Variants in XPR1 observed in about 807,000 individuals in gnomAD.
The protein encoded by XPR1 is xenotropic and polytropic retrovirus receptor 1.
Under a neutral mutation model 87.5 loss-of-function variants are expected in XPR1, and 28 were observed. The ratio of observed to expected loss-of-function variants is 0.32; its 90% CI spans 0.24 to 0.44. The LOEUF is 0.44. Among genes scored for constraint, XPR1 ranks in the 20% least tolerant of loss-of-function variants. The probability of loss-of-function intolerance (pLI) is 1.00; values close to 1 mark genes in which losing one functional copy is unlikely to be tolerated. For synonymous variants in XPR1, 300 were observed against 306.1 expected, an observed-to-expected ratio of 0.98 and a Z score of 0.21; for missense variants, 559 against 862.3, an observed-to-expected ratio of 0.65 and a Z score of 4.41.
At chr1:180,694,396 C>T (rs1657094051) in intron 2 of XPR1, among the ~76,000 whole-genome samples, 1 of 152,060 alleles carries the variant, frequency 6.6e-6, no homozygotes, top group Non-Finnish European at 1.5e-5. Flanking sequence ...CAAATGGTGT[C>T]AAAGAAATAT....
chr1:180,829,842 TGTCA>T (rs1006204391), intron 9 of XPR1, among the ~76,000 whole-genome samples: 2 of 152,060 alleles, frequency 1.3e-5, no homozygotes. Context: ...TAAATTTTCA[TGTCA>T]GTCCTATCCT....
intron 2 of XPR1, among the ~76,000 whole-genome samples, chr1:180,777,323 C>T (rs1648761454): frequency 6.6e-6 from 1 of 152,188 alleles, no homozygotes; most frequent in Non-Finnish European, 1.5e-5. Flanking sequence ...TTTGATCATA[C>T]TATTCTCTCT....
chr1:180,774,384 CTTT>C (rs71121051), intron 2 of XPR1, among the ~76,000 whole-genome samples: 14 of 68,890 alleles, frequency 2.0e-4, no homozygotes, highest in African/African-American at 4.7e-4. Context: ...TCTTTCCTAT[CTTT>C]TTTTTTTTTT....
chr1:180,709,241 A>C (rs1462025912), intron 2 of XPR1, among the ~76,000 whole-genome samples: 3 of 152,208 alleles, frequency 2.0e-5, no homozygotes, highest in African/African-American at 7.2e-5. Flanking sequence ...TTTAAAGAAA[A>C]GCAGCTTTTA....
At chr1:180,753,274 G>T (rs959022662) in intron 2 of XPR1, among the ~76,000 whole-genome samples, 1 of 152,148 alleles carries the variant, frequency 6.6e-6, no homozygotes, top group African/African-American at 2.4e-5. Context: ...TCTTTAAAGA[G>T]GCACTGTGGG....
chr1:180,734,193 G>A (rs1041716531), intron 2 of XPR1, among the ~76,000 whole-genome samples: 16 of 152,156 alleles, frequency 1.1e-4, no homozygotes, highest in South Asian at 4.1e-4. Context: ...CCAAAACACC[G>A]GGGGTTCAGT....
intron 11 of XPR1, among the ~76,000 whole-genome samples, chr1:180,841,547 G>A (rs1651516854): frequency 6.6e-6 from 1 of 152,136 alleles, no homozygotes; most frequent in African/African-American, 2.4e-5. Flanking sequence ...TTTCTTTGCT[G>A]ACTAGAGCTG....
chr1:180,846,450 T>TTC (rs1014195995), intron 11 of XPR1, among the ~76,000 whole-genome samples: 4 of 55,566 alleles, frequency 7.2e-5, no homozygotes, highest in African/African-American at 3.0e-4. Flanking sequence ...TATTTATTTA[T>TTC]TTTTTTTTTG....
At chr1:180,658,087 C>A (rs530495542) in intron 1 of XPR1, among the ~76,000 whole-genome samples, 2 of 151,986 alleles carry the variant, frequency 1.3e-5, no homozygotes, top group African/African-American at 4.8e-5. Context: ...TTTTTCAGAT[C>A]GTTTGCTGTT....
intron 2 of XPR1, among the ~76,000 whole-genome samples, chr1:180,712,885 A>G (rs1400303124): frequency 2.0e-5 from 3 of 151,614 alleles, no homozygotes; most frequent in South Asian, 4.2e-4. Flanking sequence ...CTTGATTACT[A>G]TAGCTTTAGT....
intron 2 of XPR1, among the ~76,000 whole-genome samples, chr1:180,784,837 G>A (rs1416293953): frequency 2.0e-5 from 3 of 151,650 alleles, no homozygotes; most frequent in African/African-American, 7.3e-5. Flanking sequence ...TGTTCTTTTT[G>A]CTGTGTTTTT....
At chr1:180,711,691 A>T (rs1216761016) in intron 2 of XPR1, among the ~76,000 whole-genome samples, 1 of 152,210 alleles carries the variant, frequency 6.6e-6, no homozygotes, top group Non-Finnish European at 1.5e-5. Context: ...AAGATTTTTC[A>T]AAAGTAGAGC....
At chr1:180,805,717 G>T (rs78318478) in intron 4 of XPR1, among the ~76,000 whole-genome samples, 2 of 152,264 alleles carry the variant, frequency 1.3e-5, no homozygotes, top group East Asian at 3.9e-4. Flanking sequence ...GACCAAAGCA[G>T]CAAAATAATA....
rs1652081666 is a variant in XPR1 at position 180,857,715 on chromosome 1, A to G, written c.1502-5993A>G. On this transcript the variant is annotated intron_variant, in intron 11 of 14. Transcript: ENST00000367590. Reference sequence around the variant, plus strand: ...ACTTGGCCCTTAGTAGTTCTTCAGTATATTCTCATTCCCTAGAATGTACCT... The same window carrying G: ...ACTTGGCCCTTAGTAGTTCTTCAGTGTATTCTCATTCCCTAGAATGTACCT... 2.0e-5 allele frequency among the ~76,000 whole-genome samples: 3 copies of G among 152,068 alleles called. No individual in the cohort carries two copies. In the South Asian group the frequency reaches 6.2e-4, roughly 32 times the overall value.
At chr1:180,636,090 G>A (rs1378839568) in intron 1 of XPR1, among the ~76,000 whole-genome samples, 1 of 152,134 alleles carries the variant, frequency 6.6e-6, no homozygotes, top group Non-Finnish European at 1.5e-5. Context: ...GGAAAGGAGA[G>A]GTTCTGCATG....
At chr1:180,683,832 G>A (rs961193489) in intron 2 of XPR1, among the ~76,000 whole-genome samples, 15 of 150,716 alleles carry the variant, frequency 1.0e-4, no homozygotes, top group African/African-American at 3.7e-4. Flanking sequence ...TTGTAAATTT[G>A]TTTCAGTTCA....
At chr1:180,717,274 T>G (rs1001375498) in intron 2 of XPR1, among the ~76,000 whole-genome samples, 2 of 152,246 alleles carry the variant, frequency 1.3e-5, no homozygotes, top group African/African-American at 4.8e-5. Context: ...ATTACAGGCA[T>G]GAGCCACTGT....
chr1:180,736,902 C>T (rs952353986), intron 2 of XPR1, among the ~76,000 whole-genome samples: 9 of 152,160 alleles, frequency 5.9e-5, no homozygotes, highest in South Asian at 4.2e-4. Flanking sequence ...TCCAGTTTCT[C>T]GGAAAGAAAT....
Position 180,886,096 on chromosome 1 carries a change from T to A in XPR1, c.*2030T>A, listed in dbSNP as rs1652999528. The A allele has an allele frequency of 6.6e-6, 1 of 152,248 alleles. No individual in the cohort carries two copies. The highest frequency in any genetic ancestry group is 2.1e-4 in the South Asian group (1 of 4,834). The allele number at this position is 152,248 out of a possible 1,614,324, so 9.4% of individuals were successfully genotyped here. A position where few individuals can be genotyped will look rare whatever the true frequency, so the allele number is the denominator to read the frequency against. On this transcript the variant is annotated 3_prime_UTR_variant, in exon 15 of 15. Coordinates refer to ENST00000367590, the MANE Select transcript of XPR1 (RefSeq NM_004736.4). ...GAGGAAATGTTTAATTAATGCTTTTTAGTTTAAATAAATTGAATCATTTAT... is the reference window on the plus strand; with the variant it reads ...GAGGAAATGTTTAATTAATGCTTTTAAGTTTAAATAAATTGAATCATTTAT...
Sources: allele counts gnomAD v4.1 joint callset (sites outside exome capture counted in the v4.1 genomes callset), GRCh38; gene constraint gnomAD v4.1.1; transcripts MANE v1.5; gene names NCBI Gene and HGNC (gene_info 2026-07-23, HGNC 2026-07-21).